DCDC1: variants seen among roughly 807,000 people sequenced by gnomAD.
DCDC1 encodes the protein doublecortin domain-containing protein 1.
A neutral mutation model predicts 178.3 loss-of-function variants in DCDC1; 200 were observed. The ratio of observed to expected loss-of-function variants is 1.12; its 90% confidence interval spans 1.00 to 1.26. The LOEUF (loss-of-function observed/expected upper bound fraction) is 1.26, where lower values mean the gene tolerates loss of function less well. Ranked by LOEUF, DCDC1 falls within the 50% of genes most tolerant of loss-of-function variation. DCDC1 has a pLI of 0.00. For synonymous variants in DCDC1, 690 were observed against 604.8 expected, an observed-to-expected ratio of 1.14 and a Z score of -2.07; for missense variants, 1,983 against 1,749.2, an observed-to-expected ratio of 1.13 and a Z score of -2.38.
chr11:31,312,763 T>A (rs1242266103), intron 3 of DCDC1: 1 of 152,252 alleles, frequency 6.6e-6, no homozygotes, highest in African/African-American at 2.4e-5. Flanking sequence ...TTTTCCTGGG[T>A]CTCCAGCTTG....
intron 20 of DCDC1, among the ~76,000 whole-genome samples, chr11:31,017,473 T>C (rs1020510468): frequency 6.6e-6 from 1 of 152,194 alleles, no homozygotes; most frequent in South Asian, 2.1e-4. Flanking sequence ...TATGTGTTAA[T>C]CAACCCTGTC....
intron 38 of DCDC1, among the ~76,000 whole-genome samples, chr11:30,866,968 A>C (rs1941039680): frequency 1.3e-5 from 2 of 152,150 alleles, no homozygotes; most frequent in Admixed American, 6.5e-5. Context: ...GGGAAGCAGT[A>C]AGAAGACCCT....
At chr11:31,213,099 GCCTC>G (rs1972846143) in intron 9 of DCDC1, among the ~76,000 whole-genome samples, 2 of 29,458 alleles carry the variant, frequency 6.8e-5, no homozygotes, top group African/African-American at 2.7e-4. Context: ...ATAAAGCCCA[GCCTC>G]TCTCTCTCTC....
intron 1 of DCDC1, among the ~76,000 whole-genome samples, chr11:31,364,849 AAAG>A (rs1390800913): frequency 1.3e-5 from 2 of 152,228 alleles, no homozygotes; most frequent in African/African-American, 4.8e-5. Context: ...AAAAAAAAAA[AAAG>A]AAGAAAGGAA....
intron 3 of DCDC1, among the ~76,000 whole-genome samples, chr11:31,315,669 T>A (rs1399083253): frequency 3.3e-5 from 4 of 120,958 alleles, no homozygotes; most frequent in Non-Finnish European, 5.0e-5. Flanking sequence ...TTTTTTTTTA[T>A]TAAACTCTAA....
At chr11:30,896,209 T>C (rs1448953756) in intron 34 of DCDC1, among the ~76,000 whole-genome samples, 8 of 152,246 alleles carry the variant, frequency 5.3e-5, no homozygotes, top group South Asian at 2.1e-4. Flanking sequence ...ACGAATTGTT[T>C]TTTATTTTCT....
intron 20 of DCDC1, among the ~76,000 whole-genome samples, chr11:30,982,791 C>G (rs1950456110): frequency 6.6e-6 from 1 of 152,094 alleles, no homozygotes; most frequent in Middle Eastern, 3.2e-3. Flanking sequence ...GAGTATTCAA[C>G]ACAAATGTGA....
chr11:30,906,467 G>C, intron 30 of DCDC1, 73 bp downstream of exon 30: 1 of 1,449,714 alleles, frequency 6.9e-7, no homozygotes, highest in Non-Finnish European at 9.3e-7. Flanking sequence ...TGAGTGCAAG[G>C]CAGATAATGA....
chr11:30,896,773 T>C (rs982454588), intron 34 of DCDC1, among the ~76,000 whole-genome samples: 1 of 152,230 alleles, frequency 6.6e-6, no homozygotes, highest in Non-Finnish European at 1.5e-5. Flanking sequence ...ACTAACCATG[T>C]AGTAAAGATT....
At chr11:31,026,429 C>T (rs1481085153) in intron 20 of DCDC1, among the ~76,000 whole-genome samples, 1 of 151,770 alleles carries the variant, frequency 6.6e-6, no homozygotes, top group African/African-American at 2.4e-5. Context: ...TATTGTGCGG[C>T]TTTTCAAGTT....
chr11:31,233,498 T>C (rs12788257), intron 9 of DCDC1, among the ~76,000 whole-genome samples: 45,004 of 152,032 alleles, frequency 0.3, 8,125 homozygotes, highest in East Asian at 0.63. Context: ...TAATTACTTT[T>C]TGGGGGTGGG....
intron 25 of DCDC1, among the ~76,000 whole-genome samples, chr11:30,917,563 T>C (rs2134218661): frequency 6.6e-6 from 1 of 152,318 alleles, no homozygotes; most frequent in East Asian, 1.9e-4. Flanking sequence ...AATAATATAC[T>C]AAACAGAGTA....
chr11:31,221,558 T>G (rs530781734), intron 9 of DCDC1, among the ~76,000 whole-genome samples: 1 of 152,318 alleles, frequency 6.6e-6, no homozygotes, highest in East Asian at 1.9e-4. Flanking sequence ...TCCTGCCCTT[T>G]GAAAGATAAA....
chr11:31,258,535 A>G (rs1944565135), intron 8 of DCDC1, among the ~76,000 whole-genome samples: 1 of 152,202 alleles, frequency 6.6e-6, no homozygotes, highest in Non-Finnish European at 1.5e-5. Flanking sequence ...AGTAGAAGCA[A>G]ATCTTAAACA....
At chr11:31,069,317 C>A (rs1350601325) in intron 18 of DCDC1, among the ~76,000 whole-genome samples, 3 of 151,858 alleles carry the variant, frequency 2.0e-5, no homozygotes, top group Non-Finnish European at 4.4e-5. Context: ...GAAGTTTAAT[C>A]CAAAAAAAAT....
chr11:30,945,754 G>A (rs536682751), intron 21 of DCDC1, among the ~76,000 whole-genome samples: 5 of 142,802 alleles, frequency 3.5e-5, no homozygotes, highest in African/African-American at 1.5e-4. Context: ...CTATCTGTCT[G>A]TCTGTCTATC....
rs569119993 is a variant in DCDC1, at chr11:31,276,182, C to T, written c.961-10582G>A. On this transcript the variant is annotated intron_variant, in intron 7 of 38. Coordinates refer to ENST00000684477, the MANE Select transcript of DCDC1 (RefSeq NM_001387274.1). ...AAATACATTTTTTGGTCCCATGTTC[C>T]TCAAATGATGAAAATCTATTCAGCT... 5.3e-5 allele frequency among the ~76,000 whole-genome samples: 8 copies of T among 152,292 alleles called. No individual in the cohort carries two copies. In the East Asian group the frequency reaches 9.7e-4, roughly 18 times the overall value.
intron 38 of DCDC1, among the ~76,000 whole-genome samples, chr11:30,871,716 C>T (rs976803734): frequency 3.9e-5 from 6 of 151,964 alleles, no homozygotes; most frequent in Non-Finnish European, 1.5e-5. Context: ...GCTTCAGTAC[C>T]TCAAACCCAC....
At chr11:31,233,412 C>A (rs1245663439) in intron 9 of DCDC1, among the ~76,000 whole-genome samples, 2 of 152,198 alleles carry the variant, frequency 1.3e-5, no homozygotes, top group Non-Finnish European at 1.5e-5. Flanking sequence ...GTATTTTCAA[C>A]ACTGGTTAAC....
Sources: gnomAD v4.1 joint callset for allele counts (sites outside exome capture counted in the v4.1 genomes callset) on GRCh38, gnomAD v4.1.1 for gene constraint, MANE v1.5 for transcripts, NCBI Gene and HGNC (gene_info 2026-07-23, HGNC 2026-07-21) for gene names.